The following LXN variants were observed in gnomAD, a reference collection of about 807,000 sequenced individuals.
The protein encoded by LXN is latexin, also known as MUM.
LXN carries 28 observed loss-of-function variants against 29.8 expected under a neutral mutation model. The observed-to-expected ratio is 0.94, with a 90% CI of 0.70 to 1.29. The LOEUF (loss-of-function observed/expected upper bound fraction) is 1.29, where lower values mean the gene tolerates loss of function less well. Ranked by LOEUF, LXN falls within the 50% of genes most tolerant of loss-of-function variation. LXN has a pLI of 0.00. For synonymous variants in LXN, 77 were observed against 89.6 expected, an observed-to-expected ratio of 0.86 and a Z score of 0.80; for missense variants, 227 against 261.7, an observed-to-expected ratio of 0.87 and a Z score of 0.92.
At chr3:158,670,885 G>C (rs1021679701) in intron 2 of LXN, 72 bp downstream of exon 2, 3 of 1,377,606 alleles carry the variant, frequency 2.2e-6, no homozygotes, top group Non-Finnish European at 2.8e-6. Flanking sequence ...AGTGAGCCAT[G>C]TTCTGCCACT....
intron 4 of LXN, among the ~76,000 whole-genome samples, chr3:158,667,404 C>A (rs1315938851): frequency 6.6e-6 from 1 of 152,158 alleles, no homozygotes; most frequent in Non-Finnish European, 1.5e-5. Context: ...TTCCATTGTA[C>A]AGAAAAGCAT....
rs1724455513 is a variant in LXN, at chr3:158,672,601, C to A, written c.-123G>T. On this transcript the variant is annotated 5_prime_UTR_variant, in exon 1 of 6. Coordinates refer to ENST00000264265, the MANE Select transcript of LXN (RefSeq NM_020169.4). Reference sequence around the variant, plus strand: ...GAGGCGGAAAAGTCGCAAGCTCCTTCAGTCAGTCTTCTTCCTCAGCTCCTT... The same window carrying A: ...GAGGCGGAAAAGTCGCAAGCTCCTTAAGTCAGTCTTCTTCCTCAGCTCCTT... 1.6e-6 allele frequency: 2 copies of A among 1,216,510 alleles called. No homozygotes were observed. Among genetic ancestry groups the A allele is most frequent in the African/African-American group, 3.0e-5 (2 of 66,872 alleles). 75.4% of individuals were successfully genotyped at this position (1,216,510 alleles called of 1,614,324 possible).
At chr3:158,666,911 A>G in intron 5 of LXN, 101 bp downstream of exon 5, 2 of 1,513,616 alleles carry the variant, frequency 1.3e-6, no homozygotes, top group Non-Finnish European at 1.8e-6. Context: ...CTGGATTTAC[A>G]TGAATTCTGA....
intron 1 of LXN, among the ~76,000 whole-genome samples, chr3:158,672,004 G>C (rs1248582459): frequency 1.3e-5 from 2 of 152,194 alleles, no homozygotes; most frequent in Non-Finnish European, 2.9e-5. Flanking sequence ...TAGCAGATGA[G>C]AAACGTGGCA....
chr3:158,670,918 G>GT (rs1560138445), intron 2 of LXN, 39 bp downstream of exon 2: 1 of 1,467,598 alleles, frequency 6.8e-7, no homozygotes, highest in East Asian at 2.6e-5. Flanking sequence ...GGGTGATAGA[G>GT]TGAGACCCTG....
At chr3:158,666,787 C>T in intron 5 of LXN, 43 bp from the exon 6 acceptor site, 2 of 1,567,160 alleles carry the variant, frequency 1.3e-6, no homozygotes, top group Middle Eastern at 1.7e-4. Flanking sequence ...ATTCAGAAAA[C>T]ATTTAGGAAA....
At chr3:158,672,008 C>T (rs1266757170) in intron 1 of LXN, among the ~76,000 whole-genome samples, 1 of 152,134 alleles carries the variant, frequency 6.6e-6, no homozygotes. Context: ...AGATGAGAAA[C>T]GTGGCAGCCT....
chr3:158,669,109 C>T lies in LXN; in HGVS notation c.394G>A (p.Glu132Lys). 6.2e-7 allele frequency: 1 copy of T among 1,613,548 alleles called. No homozygotes were observed. The highest frequency in any genetic ancestry group is 1.1e-5 in the South Asian group (1 of 90,970). The change falls in exon 4 of 6, where the codon GAA becomes AAA. Residue 132 changes from glutamate (E) to lysine (K), a missense_variant. Transcript: ENST00000264265. ...GCTAAATGTAGAACGAGCGTCATTT[C>T]TGGAGATACATTTCCAAAATTGTCT... ...IPDNFGNVSP[E>K]MTLVLHLAWV...
At chr3:158,670,483 G>A (rs1011306747) in intron 2 of LXN, among the ~76,000 whole-genome samples, 4 of 152,202 alleles carry the variant, frequency 2.6e-5, no homozygotes, top group Non-Finnish European at 5.9e-5. Flanking sequence ...TTGAACTGAA[G>A]TGTATAGTCT....
At chr3:158,667,147 T>C in intron 4 of LXN, 73 bp from the exon 5 acceptor site, 3 of 1,397,786 alleles carry the variant, frequency 2.1e-6, no homozygotes, top group Non-Finnish European at 1.9e-6. Context: ...ATTTTGAAAA[T>C]CATCTTTGAT....
At chr3:158,669,175 T>C in intron 3 of LXN, 43 bp from the exon 4 acceptor site, 2 of 1,527,560 alleles carry the variant, frequency 1.3e-6, no homozygotes, top group South Asian at 2.5e-5. Context: ...TATATAGTAT[T>C]AACCTTTTAA....
intron 3 of LXN, 133 bp from the exon 4 acceptor site, chr3:158,669,265 A>G: frequency 1.6e-6 from 2 of 1,219,722 alleles, no homozygotes; most frequent in South Asian, 1.5e-5. Flanking sequence ...CTATGGATCT[A>G]TAAAATTTCT....
At chr3:158,670,829 G>A in intron 2 of LXN, 128 bp downstream of exon 2, 1 of 1,247,180 alleles carries the variant, frequency 8.0e-7, no homozygotes, top group South Asian at 2.2e-5. Flanking sequence ...GCTATTTGGG[G>A]AGGCTGAGGT....
chr3:158,669,431 A>G lies in LXN; in HGVS notation c.370+2T>C. The G allele has an allele frequency of 6.2e-7, 1 of 1,606,880 alleles. No homozygotes were observed. The highest frequency in any genetic ancestry group is 8.5e-7 in the Non-Finnish European group (1 of 1,176,560). Reference sequence around the variant, plus strand: ...AATGGTTTTCATGCCATATTTATATACCTGGAATATTTTGTGCTTCTAGCG... The same window carrying G: ...AATGGTTTTCATGCCATATTTATATGCCTGGAATATTTTGTGCTTCTAGCG... On this transcript the variant is annotated splice_donor_variant, in intron 3 of 5. Coordinates refer to ENST00000264265, the MANE Select transcript of LXN (RefSeq NM_020169.4). LOFTEE classifies it high-confidence loss of function.
Position 158,666,669 on chromosome 3 carries a change from G to T in LXN, c.646C>A (p.Pro216Thr), listed in dbSNP as rs1183376465. The T allele has an allele frequency of 6.2e-7, 1 of 1,613,612 alleles. No homozygotes were observed. Among genetic ancestry groups the T allele is most frequent in the Non-Finnish European group, 8.5e-7 (1 of 1,179,774 alleles). ...GTKVKHNSRL[P>T]KEVQLE ...GTTTATTCCAGTTGTACTTCCTTTG[G>T]CAGACGGCTATTATGTTTTACTTTA... Residue 216 changes from proline to threonine, a missense_variant, in exon 6 of 6, where the codon CCA becomes ACA. Transcript: ENST00000264265.
chr3:158,667,101 T>G (rs530189487), intron 4 of LXN, 27 bp from the exon 5 acceptor site: 406 of 1,553,020 alleles, frequency 2.6e-4, no homozygotes, highest in Non-Finnish European at 3.4e-4. Context: ...AAACGTGTTG[T>G]TTAAAACTTA....
rs1723701300 is a variant in LXN, at chr3:158,666,571, T to A, written c.*75A>T. The stretch of plus-strand genomic sequence containing the variant: ...AGTGACACTTTGGGATTATTTGGCC[T>A]CATAAGCTAGATGCCAGTGAAATTG... On this transcript the variant is annotated 3_prime_UTR_variant, in exon 6 of 6. Transcript: ENST00000264265. The A allele has an allele frequency of 7.2e-7, 1 of 1,387,538 alleles. No homozygotes were observed. Among genetic ancestry groups the A allele is most frequent in the African/African-American group, 1.4e-5 (1 of 70,052 alleles). The allele number at this position is 1,387,538 out of a possible 1,614,324, so 86.0% of individuals were successfully genotyped here.
Position 158,666,536 on chromosome 3 carries a change from A to AC in LXN, c.*109_*110insG. ...TAAAGTTCTATACTGTAATCAAGAC[A>AC]TTTATATAAAGTGACACTTTGGGAT... On this transcript the variant is annotated 3_prime_UTR_variant, in exon 6 of 6. Transcript: ENST00000264265. 8.5e-7 allele frequency: 1 copy of AC among 1,180,442 alleles called. No individual in the cohort carries two copies. The highest frequency in any genetic ancestry group is 2.4e-5 in the East Asian group (1 of 42,120). 73.1% of individuals were successfully genotyped at this position (1,180,442 alleles called of 1,614,324 possible). A position where few individuals can be genotyped will look rare whatever the true frequency, so the allele number is the denominator to read the frequency against.
intron 1 of LXN, among the ~76,000 whole-genome samples, chr3:158,671,439 G>GGCAATT (rs1372062282): frequency 1.3e-5 from 2 of 152,116 alleles, no homozygotes; most frequent in African/African-American, 4.8e-5. Context: ...TTCATTTTGA[G>GGCAATT]GCAGATTACT....
Sources: allele counts gnomAD v4.1 joint callset (sites outside exome capture counted in the v4.1 genomes callset), GRCh38; gene constraint gnomAD v4.1.1; transcripts MANE v1.5; gene names NCBI Gene and HGNC (gene_info 2026-07-23, HGNC 2026-07-21).